The following AMPD3 variants were observed in gnomAD, a reference collection of about 807,000 sequenced individuals.
AMPD3 encodes the protein AMP deaminase 3.
A neutral mutation model predicts 82.3 loss-of-function variants in AMPD3; 57 were observed. The ratio of observed to expected loss-of-function variants is 0.69; its 90% CI spans 0.56 to 0.86. The LOEUF (loss-of-function observed/expected upper bound fraction) is 0.86, where lower values mean the gene tolerates loss of function less well. Among genes scored for constraint, AMPD3 ranks in the 40% least tolerant of loss-of-function variants. AMPD3 has a pLI of 0.00. For synonymous variants in AMPD3, 381 were observed against 394.7 expected (o/e 0.97, Z 0.41); for missense variants, 870 against 1,003.8 (o/e 0.87, Z 1.80).
At position 10,461,570 on chromosome 11, in the gene AMPD3, C is replaced by A. The variant is rs369669044; in HGVS notation, c.51C>A (p.Val17=). ...ACATCTCTGAAGTGGATGAGCAAGT[C>A]CGGCTCCTGGCGGAGAAGGTGTTTG... is the stretch of plus-strand genomic sequence containing the variant. ...KLNISEVDEQ[V]RLLAEKVFAK... The change falls in exon 2 of 15, where the codon GTC becomes GTA. Residue 17 remains valine, a synonymous_variant. Transcript: ENST00000396553. 3 of 1,614,074 alleles carry A rather than the reference C, an allele frequency of 1.9e-6. No homozygotes were observed. In the African/African-American group the frequency reaches 4.0e-5, roughly 22 times the overall value.
At chr11:10,477,879 G>T in intron 2 of AMPD3, 2 of 985,372 alleles carry the variant, frequency 2.0e-6, no homozygotes, top group Non-Finnish European at 2.4e-6. Context: ...CACCCAGTAG[G>T]TCTGCTGCCA....
upstream of AMPD3, among the ~76,000 whole-genome samples, chr11:10,452,944 T>C (rs1044793485): frequency 2.6e-5 from 4 of 152,140 alleles, no homozygotes; most frequent in African/African-American, 9.7e-5. Flanking sequence ...AGCTGGAGTT[T>C]TTTTTGTTGT....
intron 7 of AMPD3, among the ~76,000 whole-genome samples, chr11:10,493,910 T>C (rs950874141): frequency 6.6e-6 from 1 of 152,244 alleles, no homozygotes; most frequent in Non-Finnish European, 1.5e-5. Context: ...GTAACTGCTA[T>C]GGAAAACAGT....
chr11:10,484,353 C>T (rs1849001022), intron 4 of AMPD3: 2 of 985,384 alleles, frequency 2.0e-6, no homozygotes, highest in East Asian at 1.1e-4. Flanking sequence ...TAGCCCCTCA[C>T]CTGGCCTGGG....
chr11:10,459,732 T>C (rs1324553308), intron 1 of AMPD3, among the ~76,000 whole-genome samples: 2 of 152,014 alleles, frequency 1.3e-5, no homozygotes, highest in Non-Finnish European at 2.9e-5. Flanking sequence ...TGCTGGGGAC[T>C]GTGAGGAGCC....
rs2133923227 is a variant in AMPD3 at position 10,494,957 on chromosome 11, C to G, written c.1193C>G (p.Ala398Gly). The G allele has an allele frequency of 1.2e-6, 2 of 1,614,214 alleles. No individual in the cohort carries two copies. Among genetic ancestry groups the G allele is most frequent in the East Asian group, 4.5e-5 (2 of 44,882 alleles). ...KFNSKYNPVG[A>G]SELRDLYLKT... ...AACTCCAAATACAACCCTGTGGGGGCCAGTGAGCTGCGTGACCTGTATTTG... is the reference window on the plus strand; with the variant it reads ...AACTCCAAATACAACCCTGTGGGGGGCAGTGAGCTGCGTGACCTGTATTTG... The change falls in exon 8 of 15, where the codon GCC (alanine) becomes GGC (glycine). Residue 398 changes from alanine to glycine, a missense_variant. Coordinates refer to ENST00000396553, the MANE Select transcript of AMPD3 (RefSeq NM_001025389.2).
chr11:10,493,701 A>G (rs1427247504), intron 7 of AMPD3, 158 bp downstream of exon 7: 4 of 859,172 alleles, frequency 4.7e-6, no homozygotes, highest in Non-Finnish European at 7.5e-6. Context: ...AGAGAATAAC[A>G]GGTCTGGGGC....
In AMPD3 at chr11:10,502,843, A is replaced by G; in HGVS notation, c.1965A>G (p.Gly655=). The change falls in exon 13 of 15, where the codon GGA becomes GGG. Residue 655 remains glycine (G), a synonymous_variant. Coordinates refer to ENST00000396553, the MANE Select transcript of AMPD3 (RefSeq NM_001025389.2). ...CTCTGAGGGAATTCCTACACAAGGG[A>G]CTGCATGTTTCTCTTTCCACCGATG... ...KNPLREFLHK[G]LHVSLSTDDP... 1 of 1,614,120 alleles carries G rather than the reference A, an allele frequency of 6.2e-7. No individual in the cohort carries two copies. The highest frequency in any genetic ancestry group is 8.5e-7 in the Non-Finnish European group (1 of 1,180,008).
At chr11:10,473,505 G>T in intron 2 of AMPD3, 1 of 985,296 alleles carries the variant, frequency 1.0e-6, no homozygotes, top group African/African-American at 1.7e-5. Flanking sequence ...GTTTCCAGAG[G>T]AGCTCAGGGA....
chr11:10,452,677 T>A (rs1450408300), upstream of AMPD3, among the ~76,000 whole-genome samples: 2 of 152,238 alleles, frequency 1.3e-5, no homozygotes, highest in African/African-American at 4.8e-5. Context: ...ATGTTCATTT[T>A]CCTAGTTCTT....
intron 4 of AMPD3, among the ~76,000 whole-genome samples, chr11:10,483,964 C>T (rs1325245387): frequency 4.6e-5 from 7 of 152,212 alleles, no homozygotes; most frequent in Non-Finnish European, 8.8e-5. Context: ...TCAATACACT[C>T]CTTGGCCAGG....
At chr11:10,455,913 A>C (rs1028785026) in intron 1 of AMPD3, 28 of 985,276 alleles carry the variant, frequency 2.8e-5, no homozygotes, top group Non-Finnish European at 3.4e-5. Context: ...CACGTTCAGA[A>C]CGGAAGCAGC....
chr11:10,499,618 T>C (rs1406455209), intron 10 of AMPD3: 2 of 981,514 alleles, frequency 2.0e-6, no homozygotes, highest in Admixed American at 6.1e-5. Flanking sequence ...TTGCTCTGAA[T>C]ATGAATTAAC....
Position 10,456,484 on chromosome 11 carries a change from AC to A in AMPD3, c.-6+1037del. ...CGTATAACGAGGGGATTTCAGTGGC[AC>A]TGGGCTTCCTTTCTGGAGGGACTGT... On this transcript the variant is annotated intron_variant, in intron 1 of 14. Transcript: ENST00000396553. This position sits in a 1 kb window ranked among gnomAD's most constrained non-coding sequence, Gnocchi z 4.3. The A allele has an allele frequency of 6.2e-7, 1 of 1,613,570 alleles. No individual in the cohort carries two copies. Among genetic ancestry groups the A allele is most frequent in the Non-Finnish European group, 8.5e-7 (1 of 1,179,572 alleles).
At chr11:10,482,332 C>T (rs1247954717) in intron 4 of AMPD3, 107 bp downstream of exon 4, 3 of 1,338,940 alleles carry the variant, frequency 2.2e-6, no homozygotes, top group East Asian at 2.4e-5. Context: ...TTTAAAATGA[C>T]AATGTTCTTT....
At chr11:10,504,305 A>G in intron 13 of AMPD3, 1 of 810,252 alleles carries the variant, frequency 1.2e-6, no homozygotes, top group African/African-American at 1.9e-5. Context: ...GGGTTTCAAC[A>G]TGAGGTCTCA....
intron 2 of AMPD3, among the ~76,000 whole-genome samples, chr11:10,472,897 C>T (rs571593965): frequency 1.1e-4 from 17 of 151,860 alleles, no homozygotes; most frequent in Admixed American, 3.3e-4. Context: ...CCAGCAACTC[C>T]GGAGGCTGAG....
At chr11:10,497,340 C>T (rs1016420319) in intron 10 of AMPD3, among the ~76,000 whole-genome samples, 2 of 152,144 alleles carry the variant, frequency 1.3e-5, no homozygotes. Context: ...CTTTACCTCG[C>T]AACAGAGGCC....
chr11:10,466,471 T>G (rs535448911), intron 2 of AMPD3, among the ~76,000 whole-genome samples: 177 of 152,276 alleles, frequency 1.2e-3, no homozygotes, highest in Non-Finnish European at 2.0e-3. Flanking sequence ...AAAGCTGCTG[T>G]GGCCAGACTG....
Sources: gnomAD v4.1 joint callset for allele counts (sites outside exome capture counted in the v4.1 genomes callset) on GRCh38, gnomAD v4.1.1 for gene constraint, Gnocchi (gnomAD v3.1) non-coding constraint, MANE v1.5 for transcripts, NCBI Gene and HGNC (gene_info 2026-07-23, HGNC 2026-07-21) for gene names.